TEX11: variants seen among roughly 807,000 people sequenced by gnomAD.
The protein encoded by TEX11 is testis-expressed protein 11.
A neutral mutation model predicts 84.4 loss-of-function variants in TEX11; 7 were observed. The ratio of observed to expected loss-of-function variants is 0.08; its 90% confidence interval spans 0.05 to 0.16. The LOEUF is 0.16. Ranked by LOEUF, TEX11 falls within the 10% of genes least tolerant of loss-of-function variation. TEX11 has a pLI of 1.00. For synonymous variants in TEX11, 264 were observed against 222.8 expected, an observed-to-expected ratio of 1.18 and a Z score of -1.64; for missense variants, 551 against 660.5, an observed-to-expected ratio of 0.83 and a Z score of 1.82.
the TEX11 span, among the ~76,000 whole-genome samples, chrX:70,515,421 T>G: frequency 9.0e-6 from 1 of 111,527 alleles, no homozygotes; most frequent in Non-Finnish European, 1.9e-5. Flanking sequence ...GTTTCTAGCT[T>G]CATCCATGTC....
intron 8 of TEX11, among the ~76,000 whole-genome samples, chrX:70,819,376 A>G (rs561057609): frequency 1.8e-5 from 2 of 112,129 alleles, no homozygotes; most frequent in African/African-American, 6.5e-5. Context: ...AGCATTTGAC[A>G]AAATTCAACA....
chrX:70,594,494 A>G (rs1056421766), intron 24 of TEX11, among the ~76,000 whole-genome samples: 7 of 111,458 alleles, frequency 6.3e-5, no homozygotes, highest in Admixed American at 5.8e-4. Flanking sequence ...AAAACAATAT[A>G]TATACACATA....
chrX:70,706,956 G>A (rs1159148270), intron 13 of TEX11, among the ~76,000 whole-genome samples: 3 of 110,914 alleles, frequency 2.7e-5, no homozygotes, highest in Non-Finnish European at 3.8e-5. Flanking sequence ...CCAGTATCAA[G>A]GAATTTAATA....
At chrX:70,750,119 A>T (rs1363861347) in intron 9 of TEX11, among the ~76,000 whole-genome samples, 2 of 112,001 alleles carry the variant, frequency 1.8e-5, no homozygotes, top group African/African-American at 6.5e-5. Flanking sequence ...GAAGGACATG[A>T]ACAGACACTT....
intron 28 of TEX11, among the ~76,000 whole-genome samples, chrX:70,530,342 C>T (rs2087870430): frequency 8.9e-6 from 1 of 112,009 alleles, no homozygotes; most frequent in South Asian, 3.8e-4. Flanking sequence ...TCCCTAATAC[C>T]TACCTCTACT....
chrX:70,874,019 ATGAG>A (rs2091642866), intron 3 of TEX11, among the ~76,000 whole-genome samples: 1 of 111,263 alleles, frequency 9.0e-6, no homozygotes. Flanking sequence ...CCTCACAGTA[ATGAG>A]TGAGTTCTCA....
At chrX:70,591,848 T>A (rs780990119) in intron 24 of TEX11, 25 bp from the exon 25 acceptor site, 2 of 1,134,583 alleles carry the variant, frequency 1.8e-6, no homozygotes, top group Non-Finnish European at 2.4e-6. Context: ...TGCAACAAGT[T>A]AATTAGTCCC....
At chrX:70,797,392 C>T (rs1379431922) in intron 9 of TEX11, among the ~76,000 whole-genome samples, 3 of 111,295 alleles carry the variant, frequency 2.7e-5, no homozygotes, top group African/African-American at 9.8e-5. Context: ...AATCAGTAAT[C>T]AAAAATCTCA....
intron 18 of TEX11, among the ~76,000 whole-genome samples, chrX:70,625,268 A>G (rs1008389730): frequency 3.7e-5 from 4 of 109,341 alleles, no homozygotes; most frequent in African/African-American, 1.3e-4. Flanking sequence ...CATTTCCAGC[A>G]CTCTATTCCC....
intron 11 of TEX11, among the ~76,000 whole-genome samples, chrX:70,737,331 T>A (rs1385114480): frequency 9.1e-6 from 1 of 110,357 alleles, no homozygotes; most frequent in Non-Finnish European, 1.9e-5. Flanking sequence ...ATGTTTTAAG[T>A]GAAAAGAGTA....
At chrX:70,762,361 GAC>G (rs2090913983) in intron 9 of TEX11, among the ~76,000 whole-genome samples, 1 of 111,590 alleles carries the variant, frequency 9.0e-6, no homozygotes, top group Admixed American at 9.5e-5. Context: ...AACTTTTCAA[GAC>G]ACAGACAGTA....
At chrX:70,530,704 T>C (rs915403683) in intron 28 of TEX11, among the ~76,000 whole-genome samples, 1 of 112,235 alleles carries the variant, frequency 8.9e-6, no homozygotes, top group Non-Finnish European at 1.9e-5. Context: ...CAGCAGCTTT[T>C]TGAGAGTGTC....
intron 28 of TEX11, among the ~76,000 whole-genome samples, chrX:70,542,694 T>C (rs956904189): frequency 2.7e-5 from 3 of 111,955 alleles, no homozygotes; most frequent in African/African-American, 9.7e-5. Flanking sequence ...ATAGCCATTT[T>C]GCCAGTGTGT....
chrX:70,846,863 T>A (rs1478350644), intron 7 of TEX11, among the ~76,000 whole-genome samples: 1 of 111,063 alleles, frequency 9.0e-6, no homozygotes, highest in Non-Finnish European at 1.9e-5. Flanking sequence ...GGCAGAGATT[T>A]CAGTGAGCTG....
At chrX:70,601,808 C>T (rs1036282618) in intron 24 of TEX11, among the ~76,000 whole-genome samples, 32 of 102,406 alleles carry the variant, frequency 3.1e-4, no homozygotes, top group Non-Finnish European at 5.6e-4. Flanking sequence ...ATCCATTTAA[C>T]CCTGAGTGGA....
chrX:70,539,180 G>A (rs1223959729), intron 28 of TEX11, among the ~76,000 whole-genome samples: 1 of 105,628 alleles, frequency 9.5e-6, no homozygotes, highest in Non-Finnish European at 1.9e-5. Context: ...GATTACAGGC[G>A]CCTACCACCA....
chrX:70,745,440 A>T (rs2147750157), intron 9 of TEX11, among the ~76,000 whole-genome samples: 1 of 111,121 alleles, frequency 9.0e-6, no homozygotes, highest in South Asian at 3.8e-4. Context: ...TCCTTAAAAA[A>T]AAAAAAACTC....
intron 27 of TEX11, among the ~76,000 whole-genome samples, chrX:70,552,611 A>G (rs755962125): frequency 9.0e-6 from 1 of 111,723 alleles, no homozygotes; most frequent in South Asian, 3.8e-4. Context: ...ATTCCACAAG[A>G]ACTGTCTTTC....
chrX:70,538,872 G>A (rs967449330), intron 28 of TEX11, among the ~76,000 whole-genome samples: 5 of 105,996 alleles, frequency 4.7e-5, no homozygotes, highest in African/African-American at 1.4e-4. Flanking sequence ...ATTTCCTTTA[G>A]ATCCCAATTG....
Sources: allele counts gnomAD v4.1 joint callset (sites outside exome capture counted in the v4.1 genomes callset), GRCh38; gene constraint gnomAD v4.1.1; transcripts MANE v1.5; gene names NCBI Gene and HGNC (gene_info 2026-07-23, HGNC 2026-07-21).